CPXM2: variants seen among roughly 807,000 people sequenced by gnomAD.
The protein encoded by CPXM2 is carboxypeptidase X, M14 family member 2, also known as inactive carboxypeptidase-like protein X2.
CPXM2 carries 66 observed loss-of-function variants against 86.1 expected under a neutral mutation model. That is an observed-to-expected ratio of 0.77 (90% CI 0.63 to 0.94). The LOEUF is 0.94. Among genes scored for constraint, CPXM2 ranks in the 40% least tolerant of loss-of-function variants. CPXM2 has a pLI of 0.00. For missense variants in CPXM2, 948 were observed against 1,026.3 expected, an observed-to-expected ratio of 0.92 and a Z score of 1.04; for synonymous variants, 388 against 400.2, an observed-to-expected ratio of 0.97 and a Z score of 0.36.
chr10:123,854,661 G>A (rs1206793806), intron 3 of CPXM2, among the ~76,000 whole-genome samples: 1 of 150,580 alleles, frequency 6.6e-6, no homozygotes, highest in African/African-American at 2.4e-5. Context: ...AACCCCCGGA[G>A]CCTGTGTGTC....
intron 13 of CPXM2, among the ~76,000 whole-genome samples, chr10:123,748,854 C>T (rs988541213): frequency 2.0e-5 from 3 of 152,072 alleles, no homozygotes; most frequent in African/African-American, 7.2e-5. Flanking sequence ...CTCCACGTGC[C>T]CTCCCTGTCC....
intron 13 of CPXM2, chr10:123,750,961 T>A (rs1351497037): frequency 1.0e-6 from 1 of 985,304 alleles, no homozygotes; most frequent in Non-Finnish European, 1.2e-6. Flanking sequence ...AAGCAGGAGA[T>A]GCAGTGTTGG....
chr10:123,766,895 G>T, intron 10 of CPXM2, 78 bp downstream of exon 10: 2 of 1,170,106 alleles, frequency 1.7e-6, no homozygotes, highest in Non-Finnish European at 2.6e-6. Context: ...TTTCTTAAAT[G>T]TGCTATCCTC....
At chr10:123,919,574 C>G (rs1945564865) in intron 2 of CPXM2, among the ~76,000 whole-genome samples, 1 of 152,070 alleles carries the variant, frequency 6.6e-6, no homozygotes, top group African/African-American at 2.4e-5. Flanking sequence ...TAGGAAAGAA[C>G]CAAGTGGAAA....
chr10:123,915,083 T>TC (rs1442870960), intron 2 of CPXM2, among the ~76,000 whole-genome samples: 1 of 152,072 alleles, frequency 6.6e-6, no homozygotes, highest in East Asian at 1.9e-4. Flanking sequence ...TCCTCACTTC[T>TC]CCCCCGCCTA....
chr10:123,941,191 T>G (rs77902867), upstream of CPXM2, among the ~76,000 whole-genome samples: 1,037 of 152,192 alleles, frequency 6.8e-3, 4 homozygotes, highest in Middle Eastern at 0.02. Flanking sequence ...AATAAATAAA[T>G]TAAAAATAAA....
chr10:123,839,221 A>G (rs149889182), intron 4 of CPXM2, among the ~76,000 whole-genome samples: 1 of 152,278 alleles, frequency 6.6e-6, no homozygotes, highest in African/African-American at 2.4e-5. Flanking sequence ...AGAACAGGAA[A>G]CTGAGGGTCA....
intron 6 of CPXM2, among the ~76,000 whole-genome samples, chr10:123,791,920 A>G (rs1219719): frequency 0.8 from 121,870 of 152,250 alleles, 49,054 homozygotes; most frequent in Middle Eastern, 0.89. Context: ...TACAGTGAGC[A>G]GTGGGCTTCT....
intron 1 of CPXM2, among the ~76,000 whole-genome samples, chr10:123,881,223 G>A (rs1945083266): frequency 1.7e-5 from 1 of 57,856 alleles, no homozygotes; most frequent in Non-Finnish European, 3.6e-5. Context: ...TTCTCCTGGA[G>A]CACCCTTCTC....
chr10:123,891,595 C>T lies in CPXM2; in HGVS notation c.65G>A (p.Gly22Glu). The T allele has an allele frequency of 1.3e-6, 2 of 1,527,612 alleles. No individual in the cohort carries two copies. The highest frequency in any genetic ancestry group is 1.8e-6 in the Non-Finnish European group (2 of 1,136,418). The allele number at this position is 1,527,612 out of a possible 1,614,324, so 94.6% of individuals were successfully genotyped here. The change falls in exon 1 of 14, where the codon GGG (glycine) becomes GAG (glutamate). Residue 22 changes from glycine to glutamate, a missense_variant. Physicochemically the swap from Gly to Glu is moderately conservative, Grantham distance 98 (BLOSUM62 -2). Transcript: ENST00000241305. The surrounding 1 kb of genome is among the most constrained non-coding windows in gnomAD (Gnocchi z 5.6). ...ALVLLAVTLAGVGAQGAALED... is the reference protein window; with the variant it reads ...ALVLLAVTLAEVGAQGAALED... ...GAGGGCTGCGCCCTGGGCTCCGACC[C>T]CGGCCAGGGTCACTGCCAGGAGCAC...
upstream of CPXM2, among the ~76,000 whole-genome samples, chr10:123,892,323 G>A (rs995785636): frequency 2.0e-5 from 3 of 152,130 alleles, no homozygotes; most frequent in Non-Finnish European, 4.4e-5. Context: ...AGGGACCCTG[G>A]AGGAGCCCTC....
intron 2 of CPXM2, among the ~76,000 whole-genome samples, chr10:123,937,470 A>AAAACAC (rs1945732509): frequency 7.5e-6 from 1 of 132,590 alleles, no homozygotes; most frequent in African/African-American, 2.8e-5. Flanking sequence ...ACAACAAAAC[A>AAAACAC]ACACACACAC....
Position 123,746,962 on chromosome 10 carries a change from T to C in CPXM2, c.2073A>G (p.Ala691=), listed in dbSNP as rs777916176. Reference sequence around the variant, plus strand: ...TGGATGCAGTGAAACCTTCGGCCTTTGCTGTGACCACATACTCTCCAGGGT... The same window carrying C: ...TGGATGCAGTGAAACCTTCGGCCTTCGCTGTGACCACATACTCTCCAGGGT... ...LLNPGEYVVT[A]KAEGFTASTK... Residue 691 remains alanine, a synonymous_variant, in exon 14 of 14, where the codon GCA becomes GCG. Coordinates refer to ENST00000241305, the MANE Select transcript of CPXM2 (RefSeq NM_198148.3). 3 of 1,614,200 alleles carry C rather than the reference T, an allele frequency of 1.9e-6. No homozygotes were observed. The highest frequency in any genetic ancestry group is 2.5e-6 in the Non-Finnish European group (3 of 1,180,032).
At position 123,891,320 on chromosome 10, in the gene CPXM2, G is replaced by A. The variant is rs551799629; in HGVS notation, c.304+36C>T. 2.1e-6 allele frequency: 3 copies of A among 1,440,982 alleles called. No individual in the cohort carries two copies. Among genetic ancestry groups the A allele is most frequent in the Admixed American group, 2.7e-5 (1 of 36,822 alleles). 89.3% of individuals were successfully genotyped at this position (1,440,982 alleles called of 1,614,324 possible). On this transcript the variant is annotated intron_variant, in intron 1 of 13. Coordinates refer to ENST00000241305, the MANE Select transcript of CPXM2 (RefSeq NM_198148.3). The surrounding 1 kb of genome is among the most constrained non-coding windows in gnomAD (Gnocchi z 5.6). ...CCCCTGGAGGCGCGCAACCACCGGC[G>A]CCCCCTCGGGCTGCCCAGCGCAGAA...
chr10:123,876,729 C>G (rs1944994401), intron 2 of CPXM2, among the ~76,000 whole-genome samples: 1 of 152,098 alleles, frequency 6.6e-6, no homozygotes, highest in Non-Finnish European at 1.5e-5. Context: ...AAGAAGTTTG[C>G]CAGCCCCTGT....
chr10:123,938,953 C>A (rs1402094174), intron 2 of CPXM2, among the ~76,000 whole-genome samples: 1 of 152,114 alleles, frequency 6.6e-6, no homozygotes, highest in Non-Finnish European at 1.5e-5. Context: ...GAGCTCCCAC[C>A]CTGCCAAGCC....
chr10:123,769,319 C>T (rs144702955), intron 8 of CPXM2: 2,640 of 152,862 alleles, frequency 0.017, 37 homozygotes, highest in Non-Finnish European at 0.027. Flanking sequence ...CCGGGCGCAG[C>T]GGTTCACACC....
At chr10:123,884,980 T>TA (rs1416953159) in intron 1 of CPXM2, among the ~76,000 whole-genome samples, 1 of 152,228 alleles carries the variant, frequency 6.6e-6, no homozygotes, top group East Asian at 1.9e-4. Context: ...GACACCCTGG[T>TA]AACAGCAGCA....
chr10:123,818,255 G>A (rs982507274), intron 4 of CPXM2, among the ~76,000 whole-genome samples: 3 of 152,170 alleles, frequency 2.0e-5, no homozygotes, highest in Non-Finnish European at 2.9e-5. Context: ...CAATGGGCCC[G>A]TGAACAAAGT....
Sources: gnomAD v4.1 joint callset for allele counts (sites outside exome capture counted in the v4.1 genomes callset) on GRCh38, gnomAD v4.1.1 for gene constraint, Gnocchi (gnomAD v3.1) non-coding constraint, MANE v1.5 for transcripts, NCBI Gene and HGNC (gene_info 2026-07-23, HGNC 2026-07-21) for gene names.